EGFLAM: variants seen among roughly 807,000 people sequenced by gnomAD.
The protein encoded by EGFLAM is pikachurin.
Under a neutral mutation model 113.1 loss-of-function variants are expected in EGFLAM, and 79 were observed. The observed-to-expected ratio is 0.70, with a 90% CI of 0.58 to 0.84. The LOEUF is 0.84. Among genes scored for constraint, EGFLAM ranks in the 40% least tolerant of loss-of-function variants. The pLI, the probability that EGFLAM is intolerant of heterozygous loss-of-function variation, is 0.00. For missense variants in EGFLAM, 1,265 were observed against 1,291.6 expected (o/e 0.98, Z 0.32); for synonymous variants, 504 against 487.6 (o/e 1.03, Z -0.44).
intron 1 of EGFLAM, among the ~76,000 whole-genome samples, chr5:38,335,226 T>G (rs1200874628): frequency 6.6e-6 from 1 of 152,180 alleles, no homozygotes; most frequent in Non-Finnish European, 1.5e-5. Context: ...CTCGATAAAT[T>G]TTATAGGTAT....
chr5:38,286,860 G>A (rs143790794), intron 1 of EGFLAM, among the ~76,000 whole-genome samples: 6 of 152,116 alleles, frequency 3.9e-5, no homozygotes, highest in South Asian at 4.1e-4. Context: ...GTGAATATAC[G>A]CAGGCAGTCA....
intron 6 of EGFLAM, among the ~76,000 whole-genome samples, chr5:38,402,756 T>A (rs538229854): frequency 2.2e-4 from 33 of 152,218 alleles, no homozygotes; most frequent in African/African-American, 7.5e-4. Flanking sequence ...GGAGATGGAG[T>A]AGAATTCAAT....
intron 3 of EGFLAM, among the ~76,000 whole-genome samples, chr5:38,339,290 TTTTCTG>T (rs1454136788): frequency 6.6e-6 from 1 of 152,220 alleles, no homozygotes; most frequent in East Asian, 1.9e-4. Context: ...ATCTATTTTC[TTTTCTG>T]TTTCTCATCA....
chr5:38,447,954 GGTT>G (rs1356569967), intron 17 of EGFLAM, among the ~76,000 whole-genome samples: 1 of 152,124 alleles, frequency 6.6e-6, no homozygotes, highest in Non-Finnish European at 1.5e-5. Context: ...GAACATCTGG[GGTT>G]ATCCCCAGCT....
intron 15 of EGFLAM, among the ~76,000 whole-genome samples, chr5:38,434,431 C>G (rs1222124819): frequency 6.6e-6 from 1 of 152,220 alleles, no homozygotes; most frequent in Non-Finnish European, 1.5e-5. Context: ...GTTTGTCCAG[C>G]ACTTAACATA....
chr5:38,298,202 C>T lies in EGFLAM; in HGVS notation c.98-39318C>T, dbSNP rs137866628. On this transcript the variant is annotated intron_variant, in intron 1 of 21. Transcript: ENST00000322350. The stretch of plus-strand genomic sequence containing the variant: ...TTACTAGCAATGAGTCTTTCTTTGA[C>T]GTTTTCTTCTTTCCCGCCTGTACAG... Among the ~76,000 whole-genome samples, 48 of 152,282 alleles carry T rather than the reference C, an allele frequency of 3.2e-4. No individual in the cohort carries two copies. The South Asian group carries it at 3.7e-3, about 12-fold the overall frequency.
intron 6 of EGFLAM, among the ~76,000 whole-genome samples, chr5:38,404,565 A>G (rs1741219640): frequency 6.6e-6 from 1 of 152,214 alleles, no homozygotes; most frequent in East Asian, 1.9e-4. Context: ...CTTCCTGAGA[A>G]TGGTGCATGA....
intron 1 of EGFLAM, among the ~76,000 whole-genome samples, chr5:38,300,674 C>T (rs886589016): frequency 6.6e-6 from 1 of 152,144 alleles, no homozygotes; most frequent in African/African-American, 2.4e-5. Context: ...CGCGCCCGGC[C>T]ATATTTTTCA....
intron 6 of EGFLAM, among the ~76,000 whole-genome samples, chr5:38,385,543 C>T (rs1740638510): frequency 6.6e-6 from 1 of 151,682 alleles, no homozygotes; most frequent in African/African-American, 2.4e-5. Flanking sequence ...TATTTTTTTC[C>T]AAATATTTTG....
chr5:38,299,345 C>T (rs1328274394), intron 1 of EGFLAM, among the ~76,000 whole-genome samples: 2 of 152,214 alleles, frequency 1.3e-5, no homozygotes, highest in African/African-American at 4.8e-5. Flanking sequence ...ATAGAAGCCA[C>T]AGCCCAGTGA....
At chr5:38,400,275 C>T (rs1400163827) in intron 6 of EGFLAM, among the ~76,000 whole-genome samples, 2 of 152,136 alleles carry the variant, frequency 1.3e-5, no homozygotes, top group African/African-American at 4.8e-5. Context: ...TAAAACAAAG[C>T]ACAGGTTTTT....
At chr5:38,280,057 G>C (rs1169050797) in intron 1 of EGFLAM, among the ~76,000 whole-genome samples, 3 of 151,774 alleles carry the variant, frequency 2.0e-5, no homozygotes, top group Non-Finnish European at 2.9e-5. Context: ...TGAAGAGAGG[G>C]ACAGATTGTT....
In EGFLAM at chr5:38,407,814, T is replaced by C. The variant is rs1561073806; in HGVS notation, c.1157T>C (p.Ile386Thr). Reference sequence around the variant, plus strand: ...CTTTTTTCTTCTTCAGATATTGTTATCCAGTATCCTCAGTTCTTTGGCCAC... The same window carrying C: ...CTTTTTTCTTCTTCAGATATTGTTACCCAGTATCCTCAGTTCTTTGGCCAC... The part of the protein sequence containing the change: ...GGESCSEDIV[I>T]QYPQFFGHSY... The change falls in exon 9 of 22, where the codon ATC (isoleucine) becomes ACC (threonine). Residue 386 changes from isoleucine to threonine, a missense_variant. By Grantham distance (89) the Ile-to-Thr change is moderately conservative. Coordinates refer to ENST00000322350, the MANE Select transcript of EGFLAM (RefSeq NM_152403.4). 13 of 1,610,472 alleles carry C rather than the reference T, an allele frequency of 8.1e-6. No individual in the cohort carries two copies. The highest frequency in any genetic ancestry group is 1.1e-5 in the Non-Finnish European group (13 of 1,177,382).
At chr5:38,294,535 A>AC (rs1758407884) in intron 1 of EGFLAM, among the ~76,000 whole-genome samples, 6 of 152,172 alleles carry the variant, frequency 3.9e-5, no homozygotes, top group Admixed American at 3.9e-4. Context: ...ATAAGTAAAT[A>AC]CACAGGTGTT....
intron 1 of EGFLAM, among the ~76,000 whole-genome samples, chr5:38,265,296 C>T (rs143772637): frequency 1.2e-3 from 184 of 152,272 alleles, no homozygotes; most frequent in African/African-American, 4.3e-3. Context: ...ACTCAGCATC[C>T]GAGGCTGAGG....
chr5:38,311,741 G>T lies in EGFLAM; in HGVS notation c.98-25779G>T, dbSNP rs140216032. Among the ~76,000 whole-genome samples the T allele has an allele frequency of 3.4e-4, 52 of 152,240 alleles. No individual in the cohort carries two copies. In the East Asian group the frequency reaches 6.0e-3, roughly 18 times the overall value. Reference sequence around the variant, plus strand: ...ATATTTAACAAATCACAAACTTGAAGTGAAGTTGGCAATCCTAGAGTTGCT... The same window carrying T: ...ATATTTAACAAATCACAAACTTGAATTGAAGTTGGCAATCCTAGAGTTGCT... On this transcript the variant is annotated intron_variant, in intron 1 of 21. Transcript: ENST00000322350.
chr5:38,412,197 T>G (rs1255367100), intron 10 of EGFLAM, among the ~76,000 whole-genome samples: 3 of 152,194 alleles, frequency 2.0e-5, no homozygotes. Context: ...GATCCCGTCA[T>G]GCAGGTAGCG....
At chr5:38,281,057 G>A (rs1167170298) in intron 1 of EGFLAM, among the ~76,000 whole-genome samples, 7 of 152,160 alleles carry the variant, frequency 4.6e-5, no homozygotes, top group African/African-American at 1.7e-4. Flanking sequence ...GCTGTGTGGT[G>A]TTGAGAAATG....
chr5:38,417,371 A>C (rs865949620), intron 11 of EGFLAM, among the ~76,000 whole-genome samples: 28 of 119,832 alleles, frequency 2.3e-4, no homozygotes, highest in African/African-American at 9.9e-4. Context: ...AAAAAAAAAC[A>C]AAAAAAAAAG....
Sources: gnomAD v4.1 joint callset for allele counts (sites outside exome capture counted in the v4.1 genomes callset) on GRCh38, gnomAD v4.1.1 for gene constraint, MANE v1.5 for transcripts, NCBI Gene and HGNC (gene_info 2026-07-23, HGNC 2026-07-21) for gene names.